ZFHX3: variants seen among roughly 807,000 people sequenced by gnomAD.
ZFHX3 encodes the protein zinc finger homeobox 3, also known as zinc finger homeobox protein 3.
ZFHX3 carries 42 observed loss-of-function variants against 279.1 expected under a neutral mutation model. The ratio of observed to expected loss-of-function variants is 0.15; its 90% CI spans 0.12 to 0.19. The LOEUF (loss-of-function observed/expected upper bound fraction) is 0.19. Ranked by LOEUF, ZFHX3 falls within the 10% of genes least tolerant of loss-of-function variation. ZFHX3 has a pLI of 1.00. For missense variants in ZFHX3, 4,981 were observed against 4,754.0 expected (o/e 1.05, Z -1.40); for synonymous variants, 2,293 against 1,957.8 (o/e 1.17, Z -4.52).
At chr16:73,718,769 C>G (rs2053443564) in intron 1 of ZFHX3, among the ~76,000 whole-genome samples, 1 of 151,862 alleles carries the variant, frequency 6.6e-6, no homozygotes, top group Admixed American at 6.6e-5. Context: ...GCGCACACCA[C>G]CACGTCCAGC....
At chr16:73,200,328 A>AT (rs1229942807) in intron 5 of ZFHX3, among the ~76,000 whole-genome samples, 1 of 152,102 alleles carries the variant, frequency 6.6e-6, no homozygotes, top group Admixed American at 6.5e-5. Flanking sequence ...ACTAGGAAAT[A>AT]TTTTTTGTTT....
intron 2 of ZFHX3, among the ~76,000 whole-genome samples, chr16:73,654,814 A>T (rs2052706523): frequency 6.6e-6 from 1 of 151,864 alleles, no homozygotes; most frequent in African/African-American, 2.4e-5. Context: ...AATTTTTTAA[A>T]AAAACAATAG....
At chr16:73,400,366 C>A (rs1029545446) in intron 3 of ZFHX3, 3 of 152,126 alleles carry the variant, frequency 2.0e-5, no homozygotes, top group Admixed American at 6.6e-5. Context: ...CGGGGATATT[C>A]TCTCCCTGTT....
intron 1 of ZFHX3, among the ~76,000 whole-genome samples, chr16:73,824,205 C>T (rs1380183788): frequency 6.6e-6 from 1 of 152,122 alleles, no homozygotes; most frequent in African/African-American, 2.4e-5. Context: ...AGTTATGTTG[C>T]GTGTCTCAAA....
intron 4 of ZFHX3, among the ~76,000 whole-genome samples, chr16:73,266,253 A>C (rs1193216572): frequency 2.0e-5 from 3 of 152,228 alleles, no homozygotes; most frequent in Non-Finnish European, 2.9e-5. Flanking sequence ...TAAACCTATC[A>C]TCACATATTC....
intron 2 of ZFHX3, among the ~76,000 whole-genome samples, chr16:73,484,495 C>T (rs1011265836): frequency 5.9e-5 from 9 of 152,142 alleles, no homozygotes; most frequent in African/African-American, 2.2e-4. Flanking sequence ...AGATGGGCCA[C>T]CGGCATATCA....
intron 1 of ZFHX3, among the ~76,000 whole-genome samples, chr16:73,767,457 T>TAA (rs1432237769): frequency 6.6e-6 from 1 of 152,204 alleles, no homozygotes; most frequent in Non-Finnish European, 1.5e-5. Flanking sequence ...ATGAGAATTA[T>TAA]AAGATTTGGA....
chr16:73,165,598 C>A (rs531992745), intron 5 of ZFHX3, among the ~76,000 whole-genome samples: 1 of 152,154 alleles, frequency 6.6e-6, no homozygotes, highest in Admixed American at 6.6e-5. Context: ...TGGCCTGAGT[C>A]AATCCCATTA....
intron 5 of ZFHX3, among the ~76,000 whole-genome samples, chr16:73,202,314 T>C (rs996892267): frequency 1.3e-5 from 2 of 152,214 alleles, no homozygotes; most frequent in African/African-American, 4.8e-5. Context: ...AGTTATTTCC[T>C]AACCATCTCT....
intron 2 of ZFHX3, among the ~76,000 whole-genome samples, chr16:73,518,516 C>T (rs1349123986): frequency 6.6e-6 from 1 of 152,152 alleles, no homozygotes; most frequent in East Asian, 1.9e-4. Flanking sequence ...GGAGATGTGT[C>T]AGTCCAAACC....
intron 1 of ZFHX3, among the ~76,000 whole-genome samples, chr16:73,734,212 G>A (rs328350): frequency 0.78 from 118,775 of 152,144 alleles, 47,201 homozygotes; most frequent in Non-Finnish European, 0.85. Flanking sequence ...TGTGCAGCCC[G>A]GTTCCTAATA....
intron 3 of ZFHX3, among the ~76,000 whole-genome samples, chr16:73,350,517 C>T (rs1033904007): frequency 6.6e-6 from 1 of 152,196 alleles, no homozygotes; most frequent in South Asian, 2.1e-4. Flanking sequence ...ATTCCCTGGA[C>T]TCCTGAGTGT....
chr16:73,070,074 A>T (rs1030413897), intron 8 of ZFHX3, among the ~76,000 whole-genome samples: 4 of 152,138 alleles, frequency 2.6e-5, no homozygotes, highest in Admixed American at 6.5e-5. Flanking sequence ...GTTTTGCTTG[A>T]GAATCCTTTC....
chr16:73,300,509 C>T (rs1243729530), intron 4 of ZFHX3, among the ~76,000 whole-genome samples: 1 of 144,138 alleles, frequency 6.9e-6, no homozygotes. Flanking sequence ...TGCTCCTTGA[C>T]TTTTTTTTTT....
chr16:73,431,516 GGGT>G (rs1313769343), intron 3 of ZFHX3, among the ~76,000 whole-genome samples: 1 of 152,092 alleles, frequency 6.6e-6, no homozygotes, highest in Non-Finnish European at 1.5e-5. Flanking sequence ...ATTCCAGCCT[GGGT>G]GACAGAGGGA....
intron 3 of ZFHX3, among the ~76,000 whole-genome samples, chr16:72,900,147 A>AC (rs1479566950): frequency 2.0e-5 from 3 of 151,860 alleles, no homozygotes; most frequent in Non-Finnish European, 4.4e-5. Context: ...AAAAAAAAAA[A>AC]AAAAAAAACA....
At chr16:72,844,772 A>T (rs1327581483) in intron 4 of ZFHX3, among the ~76,000 whole-genome samples, 2 of 152,056 alleles carry the variant, frequency 1.3e-5, no homozygotes, top group Non-Finnish European at 2.9e-5. Context: ...CTAAATTCTT[A>T]AGATCTTGCT....
intron 2 of ZFHX3, among the ~76,000 whole-genome samples, chr16:73,489,620 G>A (rs1035666446): frequency 2.6e-5 from 4 of 151,952 alleles, no homozygotes; most frequent in Non-Finnish European, 5.9e-5. Context: ...GCATTATCTT[G>A]GAAATCTTTC....
In ZFHX3 at chr16:73,740,265, TG is replaced by T. The variant is rs146317370; in HGVS notation, c.-1607-60026del. Among the ~76,000 whole-genome samples, 497 of 152,326 alleles carry T rather than the reference TG, an allele frequency of 3.3e-3. 5 individuals carry two copies. Among genetic ancestry groups the T allele is most frequent in the African/African-American group, 0.011 (469 of 41,584 alleles). ...ATTCCTCTACACACTCCTTGGGCAC[TG>T]GGCTTGCTTTGTGTCATTAACTACC... On this transcript the variant is annotated intron_variant, in intron 1 of 17. Transcript: ENST00000641206.
Sources: allele counts gnomAD v4.1 joint callset (sites outside exome capture counted in the v4.1 genomes callset), GRCh38; gene constraint gnomAD v4.1.1; transcripts MANE v1.5; gene names NCBI Gene and HGNC (gene_info 2026-07-23, HGNC 2026-07-21).